Variants in SMIM14 observed in about 807,000 individuals in gnomAD.
SMIM14 encodes the protein chromosome 4 open reading frame 34.
In SMIM14, 5 loss-of-function variants were observed where a neutral mutation model predicts 12.6. That is an observed-to-expected ratio of 0.40 (90% CI 0.21 to 0.83). The LOEUF (loss-of-function observed/expected upper bound fraction) is 0.83, where lower values mean the gene tolerates loss of function less well. Ranked by LOEUF, SMIM14 falls within the 40% of genes least tolerant of loss-of-function variation. SMIM14 has a pLI of 0.37. For synonymous variants in SMIM14, 30 were observed against 40.1 expected, an observed-to-expected ratio of 0.75 and a Z score of 0.95; for missense variants, 86 against 119.1, an observed-to-expected ratio of 0.72 and a Z score of 1.29.
At chr4:39,556,597 G>A (rs1272287473) in intron 3 of SMIM14, 27 bp from the exon 4 acceptor site, 2 of 1,564,158 alleles carry the variant, frequency 1.3e-6, no homozygotes, top group African/African-American at 1.4e-5. Flanking sequence ...AATGTAGCAT[G>A]CTCACAATAT....
At chr4:39,621,692 T>A (rs898824961) in intron 1 of SMIM14, among the ~76,000 whole-genome samples, 1 of 146,546 alleles carries the variant, frequency 6.8e-6, no homozygotes, top group Non-Finnish European at 1.5e-5. Context: ...GTTTCTTTTT[T>A]TTTTTTTTTT....
intron 3 of SMIM14, among the ~76,000 whole-genome samples, chr4:39,560,632 A>G (rs10021379): frequency 0.12 from 18,760 of 151,572 alleles, 2,663 homozygotes; most frequent in African/African-American, 0.35. Context: ...GCGACAGAGC[A>G]AGACCCCGTC....
At chr4:39,599,816 G>C (rs1341807140) in intron 2 of SMIM14, among the ~76,000 whole-genome samples, 1 of 152,010 alleles carries the variant, frequency 6.6e-6, no homozygotes, top group African/African-American at 2.4e-5. Context: ...CAGCTACTTG[G>C]GAGGCTGAGG....
chr4:39,599,651 C>A (rs1204976141), intron 2 of SMIM14, among the ~76,000 whole-genome samples: 2 of 152,130 alleles, frequency 1.3e-5, no homozygotes, highest in African/African-American at 4.8e-5. Context: ...AGGCTGGGCA[C>A]AGTGGCTCAC....
chr4:39,565,074 C>T (rs1712505421), intron 3 of SMIM14, among the ~76,000 whole-genome samples: 1 of 151,984 alleles, frequency 6.6e-6, no homozygotes. Context: ...CAAAATCAGC[C>T]AAGTGTGGTG....
intron 2 of SMIM14, among the ~76,000 whole-genome samples, chr4:39,596,726 T>C (rs1294167591): frequency 6.6e-6 from 1 of 152,224 alleles, no homozygotes. Context: ...GTCTTCGTTA[T>C]GGCACTCACT....
chr4:39,568,972 G>A (rs1231605748), intron 3 of SMIM14, among the ~76,000 whole-genome samples: 1 of 152,162 alleles, frequency 6.6e-6, no homozygotes, highest in Non-Finnish European at 1.5e-5. Context: ...CCACAGGAAT[G>A]ACTATATTTG....
chr4:39,605,976 G>A (rs1714788649), intron 1 of SMIM14, among the ~76,000 whole-genome samples: 1 of 152,138 alleles, frequency 6.6e-6, no homozygotes, highest in African/African-American at 2.4e-5. Context: ...GACCTCAGGT[G>A]ATCTGCCCAC....
intron 2 of SMIM14, among the ~76,000 whole-genome samples, chr4:39,582,373 A>C (rs1383800327): frequency 6.6e-6 from 1 of 152,074 alleles, no homozygotes; most frequent in Non-Finnish European, 1.5e-5. Flanking sequence ...TTTGAATATG[A>C]AAGGGTCTTG....
chr4:39,630,963 C>T (rs1715875168), intron 1 of SMIM14, among the ~76,000 whole-genome samples: 1 of 151,976 alleles, frequency 6.6e-6, no homozygotes, highest in African/African-American at 2.4e-5. Flanking sequence ...AAAGTCTGTT[C>T]AAAATTTCAA....
intron 2 of SMIM14, among the ~76,000 whole-genome samples, chr4:39,603,431 C>T (rs1213458922): frequency 6.6e-6 from 1 of 151,888 alleles, no homozygotes; most frequent in East Asian, 1.9e-4. Flanking sequence ...TGGGGGCGGG[C>T]ACCTGTAGTC....
At chr4:39,618,665 C>CAA (rs1334213228) in intron 1 of SMIM14, among the ~76,000 whole-genome samples, 1 of 112,692 alleles carries the variant, frequency 8.9e-6, no homozygotes. Flanking sequence ...AAAAAAAAAA[C>CAA]AAAAAAAAAA....
chr4:39,586,653 G>C (rs1247384763), intron 2 of SMIM14, among the ~76,000 whole-genome samples: 1 of 151,966 alleles, frequency 6.6e-6, no homozygotes, highest in Non-Finnish European at 1.5e-5. Context: ...ATATCAGCTT[G>C]TTCTAGCATG....
At chr4:39,607,212 T>C (rs988786529) in intron 1 of SMIM14, among the ~76,000 whole-genome samples, 2 of 152,172 alleles carry the variant, frequency 1.3e-5, no homozygotes, top group African/African-American at 4.8e-5. Flanking sequence ...TATATGTGAA[T>C]TGTGGACACA....
chr4:39,583,082 G>A (rs545773301), intron 2 of SMIM14, among the ~76,000 whole-genome samples: 3 of 151,972 alleles, frequency 2.0e-5, no homozygotes, highest in South Asian at 2.1e-4. Context: ...GTGAGCCACC[G>A]CATCCAGCCG....
intron 2 of SMIM14, among the ~76,000 whole-genome samples, chr4:39,601,802 T>C (rs527582400): frequency 3.3e-5 from 5 of 151,770 alleles, no homozygotes; most frequent in Admixed American, 3.3e-4. Context: ...AAAAAATTAG[T>C]TGGGCATGGT....
chr4:39,596,255 C>T (rs2110046500), intron 2 of SMIM14, among the ~76,000 whole-genome samples: 1 of 152,256 alleles, frequency 6.6e-6, no homozygotes, highest in East Asian at 1.9e-4. Flanking sequence ...GCCACCACGC[C>T]TGGCTAATTT....
intron 2 of SMIM14, among the ~76,000 whole-genome samples, chr4:39,583,518 A>G (rs1713621365): frequency 6.6e-6 from 1 of 152,074 alleles, no homozygotes; most frequent in Non-Finnish European, 1.5e-5. Context: ...AAGATCTAGA[A>G]GGAGCCCAAC....
chr4:39,579,800 T>C (rs888990034), intron 2 of SMIM14, among the ~76,000 whole-genome samples: 1 of 140,680 alleles, frequency 7.1e-6, no homozygotes, highest in Non-Finnish European at 1.5e-5. Flanking sequence ...GCCGAGACCA[T>C]GCCACTGTAC....
Sources: gnomAD v4.1 joint callset for allele counts (sites outside exome capture counted in the v4.1 genomes callset) on GRCh38, gnomAD v4.1.1 for gene constraint, MANE v1.5 for transcripts, NCBI Gene and HGNC (gene_info 2026-07-23, HGNC 2026-07-21) for gene names.